The following NAA80 variants were observed in gnomAD, a reference collection of about 807,000 sequenced individuals.
NAA80 encodes the protein N-alpha-acetyltransferase 80.
A neutral mutation model predicts 8.7 loss-of-function variants in NAA80; 5 were observed. The ratio of observed to expected loss-of-function variants is 0.58; its 90% CI spans 0.30 to 1.21. The LOEUF is 1.21. NAA80 is among the 50% of genes most tolerant of loss of function. NAA80 has a pLI of 0.07. For missense variants in NAA80, 360 were observed against 368.6 expected, an observed-to-expected ratio of 0.98 and a Z score of 0.19; for synonymous variants, 149 against 156.6, an observed-to-expected ratio of 0.95 and a Z score of 0.36.
Position 50,296,532 on chromosome 3 carries a change from G to C in NAA80, c.*71C>G. On this transcript the variant is annotated 3_prime_UTR_variant, in exon 2 of 2. Transcript: ENST00000443094. ...GGGGCTAGGGGCTGAGGTATGGTCA[G>C]TGGGCTGAGGCTTGTAGACTGTCGG... 1 of 1,543,508 alleles carries C rather than the reference G, an allele frequency of 6.5e-7. No homozygotes were observed. Among genetic ancestry groups the C allele is most frequent in the Non-Finnish European group, 8.9e-7 (1 of 1,127,386 alleles).
intron 1 of NAA80, chr3:50,298,987 C>T (rs961263195): frequency 2.1e-6 from 3 of 1,457,156 alleles, no homozygotes; most frequent in Non-Finnish European, 2.7e-6. Flanking sequence ...GTGGCTTCTC[C>T]GTCTCTCCCG....
At position 50,299,275 on chromosome 3, in the gene NAA80, A is replaced by G; in HGVS notation, c.-272T>C. 6.2e-7 allele frequency: 1 copy of G among 1,613,642 alleles called. No homozygotes were observed. ...CTCCGCACAGCTGGGTATCTCACTCAGTCGCCACCTCGGACTCCTCGGTCC... is the reference window on the plus strand; with the variant it reads ...CTCCGCACAGCTGGGTATCTCACTCGGTCGCCACCTCGGACTCCTCGGTCC... On this transcript the variant is annotated 5_prime_UTR_variant, in exon 1 of 2. Transcript: ENST00000443094.
In NAA80 at chr3:50,297,526, G is replaced by GC; in HGVS notation, c.-64dup. ...GGGCCAGGGCTCAGAGTCAGCTCTT[G>GC]CCTATGCACAGGATCCAGGTTCAGC... On this transcript the variant is annotated 5_prime_UTR_variant, in exon 2 of 2. Coordinates refer to ENST00000443094, the MANE Select transcript of NAA80 (RefSeq NM_001200016.2). This position sits in a 1 kb window ranked among gnomAD's most constrained non-coding sequence, Gnocchi z 4.3. The GC allele has an allele frequency of 6.6e-7, 1 of 1,522,766 alleles. No individual in the cohort carries two copies. The highest frequency in any genetic ancestry group is 8.8e-7 in the Non-Finnish European group (1 of 1,132,874). 94.3% of individuals were successfully genotyped at this position (1,522,766 alleles called of 1,614,324 possible). A position where few individuals can be genotyped will look rare whatever the true frequency, so the allele number is the denominator to read the frequency against.
Position 50,296,755 on chromosome 3 carries a change from T to C in NAA80, c.709A>G (p.Lys237Glu). The C allele has an allele frequency of 6.2e-7, 1 of 1,605,682 alleles. No homozygotes were observed. The highest frequency in any genetic ancestry group is 8.5e-7 in the Non-Finnish European group (1 of 1,175,986). Reference sequence around the variant, plus strand: ...GGGGGTGGTGGCAATGGAGGTCCCTTGGGACCCCTTGGGGCAGCTTGGGCA... The same window carrying C: ...GGGGGTGGTGGCAATGGAGGTCCCTCGGGACCCCTTGGGGCAGCTTGGGCA... ...LTAQAAPRGP[K>E]GPPLPPPPPL... Residue 237 changes from lysine to glutamate, a missense_variant, in exon 2 of 2, where the codon AAG becomes GAG. Coordinates refer to ENST00000443094, the MANE Select transcript of NAA80 (RefSeq NM_001200016.2).
rs990717436 is a variant in NAA80, at chr3:50,296,555, C to G, written c.*48G>C. ...CAGTGGGCTGAGGCTTGTAGACTGTCGGGGCAGTCTATTGAACCAGAAAGA... is the reference window on the plus strand; with the variant it reads ...CAGTGGGCTGAGGCTTGTAGACTGTGGGGGCAGTCTATTGAACCAGAAAGA... On this transcript the variant is annotated 3_prime_UTR_variant, in exon 2 of 2. Transcript: ENST00000443094. The G allele has an allele frequency of 6.3e-7, 1 of 1,582,974 alleles. No individual in the cohort carries two copies. The highest frequency in any genetic ancestry group is 1.4e-5 in the African/African-American group (1 of 72,770).
At position 50,297,413 on chromosome 3, in the gene NAA80, C is replaced by G. The variant is rs587730310; in HGVS notation, c.51G>C (p.Ala17=). The G allele has an allele frequency of 6.2e-7, 1 of 1,613,082 alleles. No homozygotes were observed. Among genetic ancestry groups the G allele is most frequent in the African/African-American group, 1.3e-5 (1 of 74,906 alleles). The change falls in exon 2 of 2, where the codon GCG becomes GCC. Residue 17 remains alanine (A), a synonymous_variant. Transcript: ENST00000443094. This position sits in a 1 kb window ranked among gnomAD's most constrained non-coding sequence, Gnocchi z 4.3. ...TSPAELTLDP[A]CQPKLPLDST... Reference sequence around the variant, plus strand: ...AATCCAGGGGCAGCTTTGGCTGGCACGCAGGATCCAGAGTCAGCTCAGCTG... The same window carrying G: ...AATCCAGGGGCAGCTTTGGCTGGCAGGCAGGATCCAGAGTCAGCTCAGCTG...
chr3:50,298,158 G>A, intron 1 of NAA80: 1 of 929,208 alleles, frequency 1.1e-6, no homozygotes, highest in African/African-American at 1.8e-5. Flanking sequence ...CCCTCCATAG[G>A]AAAAACTGCC....
intron 1 of NAA80, among the ~76,000 whole-genome samples, chr3:50,298,624 C>T (rs2285043): frequency 0.1 from 15,704 of 152,002 alleles, 2,260 homozygotes; most frequent in East Asian, 0.6. Flanking sequence ...AAGGTCCTGC[C>T]GTCCGGCAGG....
At chr3:50,299,164 C>T in intron 1 of NAA80, 49 bp downstream of exon 1, 1 of 1,613,944 alleles carries the variant, frequency 6.2e-7, no homozygotes, top group Non-Finnish European at 8.5e-7. Context: ...GGGGACCGCA[C>T]GCGCGGGGTG....
rs782177799 is a variant in NAA80, at chr3:50,297,085, ACAGG to A, written c.375_378del (p.Leu126HisfsTer4). 56 of 1,540,628 alleles carry A rather than the reference ACAGG, an allele frequency of 3.6e-5. No individual in the cohort carries two copies. The highest frequency in any genetic ancestry group is 4.7e-5 in the Non-Finnish European group (54 of 1,143,248). On this transcript the variant is annotated frameshift_variant, in exon 2 of 2. Transcript: ENST00000443094. LOFTEE classifies it high-confidence loss of function. The surrounding 1 kb of genome is among the most constrained non-coding windows in gnomAD (Gnocchi z 4.3). Reference sequence around the variant, plus strand: ...CTCTGGGGCTGGTTCAGCACCCGTGACAGGCGGGCATGGCCCACCACAACGGGTG... The same window carrying A: ...CTCTGGGGCTGGTTCAGCACCCGTGACGGGCATGGCCCACCACAACGGGTG...
rs186040636 is a variant in NAA80, at chr3:50,297,723, A to G, written c.-209-51T>C. ...GTGCCAGGAGGGAGGGTGGGGTTGG[A>G]GCAGGGAAGGGCTGACAGAGTGCAG... On this transcript the variant is annotated intron_variant, in intron 1 of 1. Coordinates refer to ENST00000443094, the MANE Select transcript of NAA80 (RefSeq NM_001200016.2). The surrounding 1 kb of genome is among the most constrained non-coding windows in gnomAD (Gnocchi z 4.3). The G allele has an allele frequency of 9.7e-4, 1,325 of 1,359,368 alleles. 11 individuals are homozygous for G. The African/African-American group carries it at 0.018, about 18-fold the overall frequency. 84.2% of individuals were successfully genotyped at this position (1,359,368 alleles called of 1,614,324 possible). A position where few individuals can be genotyped will look rare whatever the true frequency, so the allele number is the denominator to read the frequency against.
chr3:50,299,119 A>G, intron 1 of NAA80, 94 bp downstream of exon 1: 2 of 1,612,024 alleles, frequency 1.2e-6, no homozygotes, highest in Non-Finnish European at 1.7e-6. Flanking sequence ...CGAACGACTG[A>G]CGCGGGGAGG....
intron 1 of NAA80, chr3:50,298,938 C>A (rs1446131581): frequency 2.1e-6 from 3 of 1,412,404 alleles, no homozygotes; most frequent in South Asian, 1.5e-5. Context: ...TCAGTGCCGA[C>A]CCCACCCACT....
In NAA80 at chr3:50,297,477, T is replaced by A. The variant is rs1553711575; in HGVS notation, c.-14A>T. ...GATCAGCTCCATCCGGTGTGTAGGGTCTAGTGTAGGGGTCAGCTTGGCTGG... is the reference window on the plus strand; with the variant it reads ...GATCAGCTCCATCCGGTGTGTAGGGACTAGTGTAGGGGTCAGCTTGGCTGG... On this transcript the variant is annotated 5_prime_UTR_variant, in exon 2 of 2. Transcript: ENST00000443094. The surrounding 1 kb of genome is among the most constrained non-coding windows in gnomAD (Gnocchi z 4.3). The A allele has an allele frequency of 1.9e-5, 30 of 1,584,012 alleles. No homozygotes were observed. Among genetic ancestry groups the A allele is most frequent in the Non-Finnish European group, 2.5e-5 (29 of 1,162,740 alleles).
Position 50,297,023 on chromosome 3 carries a change from C to G in NAA80, c.441G>C (p.Leu147=), listed in dbSNP as rs1553711349. ...LVETVVVARA[L]RGRGFGRRLM... ...GGCGGCGGCCAAAGCCACGGCCCCT[C>G]AGGGCCCGGGCCACCACCACTGTCT... The change falls in exon 2 of 2, where the codon CTG becomes CTC. Residue 147 remains leucine, a synonymous_variant. Transcript: ENST00000443094. This position sits in a 1 kb window ranked among gnomAD's most constrained non-coding sequence, Gnocchi z 4.3. 1 of 1,544,212 alleles carries G rather than the reference C, an allele frequency of 6.5e-7. No homozygotes were observed. The highest frequency in any genetic ancestry group is 8.7e-7 in the Non-Finnish European group (1 of 1,149,128).
chr3:50,297,900 T>C lies in NAA80; in HGVS notation c.-209-228A>G. 4.0e-6 allele frequency: 4 copies of C among 1,002,424 alleles called. No homozygotes were observed. The highest frequency in any genetic ancestry group is 4.8e-6 in the Non-Finnish European group (4 of 841,936). The allele number at this position is 1,002,424 out of a possible 1,614,324, so 62.1% of individuals were successfully genotyped here. On this transcript the variant is annotated intron_variant, in intron 1 of 1. Coordinates refer to ENST00000443094, the MANE Select transcript of NAA80 (RefSeq NM_001200016.2). This position sits in a 1 kb window ranked among gnomAD's most constrained non-coding sequence, Gnocchi z 4.3. ...CCCCACATTGGAGGGAGGCTGGGAGTGATGGATGAGCTGCTTAAGGCTGGG... is the reference window on the plus strand; with the variant it reads ...CCCCACATTGGAGGGAGGCTGGGAGCGATGGATGAGCTGCTTAAGGCTGGG...
chr3:50,296,717 C>T lies in NAA80; in HGVS notation c.747G>A (p.Glu249=). ...PPLPPPPPLP[E]CLTISPPVPS... is the part of the protein sequence containing the mutation. ...GAACTGGGGGTGAGATGGTCAGGCA[C>T]TCAGGTAGGGGAGGGGGTGGTGGCA... The change falls in exon 2 of 2, where the codon GAG becomes GAA. Residue 249 remains glutamate (E), a synonymous_variant. Transcript: ENST00000443094. The T allele has an allele frequency of 1.2e-6, 2 of 1,612,866 alleles. No individual in the cohort carries two copies. The highest frequency in any genetic ancestry group is 4.5e-5 in the East Asian group (2 of 44,824).
chr3:50,298,322 TTC>T (rs1319907227), intron 1 of NAA80, among the ~76,000 whole-genome samples: 1 of 152,070 alleles, frequency 6.6e-6, no homozygotes, highest in African/African-American at 2.4e-5. Context: ...CTTGACTGCC[TTC>T]CCCACCTGGA....
chr3:50,297,028 C>T lies in NAA80; in HGVS notation c.436G>A (p.Ala146Thr), dbSNP rs1189117653. ...CGGCCAAAGCCACGGCCCCTCAGGG[C>T]CCGGGCCACCACCACTGTCTCCACT... ...LLVETVVVARALRGRGFGRRL... is the reference protein window; with the variant it reads ...LLVETVVVARTLRGRGFGRRL... The change falls in exon 2 of 2, where the codon GCC becomes ACC. Residue 146 changes from alanine to threonine, a missense_variant. By Grantham distance (58) the Ala-to-Thr change is moderately conservative (BLOSUM62 0). Coordinates refer to ENST00000443094, the MANE Select transcript of NAA80 (RefSeq NM_001200016.2). The surrounding 1 kb of genome is among the most constrained non-coding windows in gnomAD (Gnocchi z 4.3). 4 of 1,540,904 alleles carry T rather than the reference C, an allele frequency of 2.6e-6. No homozygotes were observed. The highest frequency in any genetic ancestry group is 1.7e-6 in the Non-Finnish European group (2 of 1,147,328).
Sources: gnomAD v4.1 joint callset for allele counts (sites outside exome capture counted in the v4.1 genomes callset) on GRCh38, gnomAD v4.1.1 for gene constraint, Gnocchi (gnomAD v3.1) non-coding constraint, MANE v1.5 for transcripts, NCBI Gene and HGNC (gene_info 2026-07-23, HGNC 2026-07-21) for gene names.